UBE2G1: variants seen among roughly 807,000 people sequenced by gnomAD.
The protein encoded by UBE2G1 is ubiquitin conjugating enzyme E2 G1, also known as ubiquitin-conjugating enzyme E2 G1.
In UBE2G1, 5 loss-of-function variants were observed where a neutral mutation model predicts 22.7. The observed-to-expected ratio is 0.22, with a 90% CI of 0.12 to 0.46. The LOEUF (loss-of-function observed/expected upper bound fraction) is 0.46, where lower values mean the gene tolerates loss of function less well. Among genes scored for constraint, UBE2G1 ranks in the 20% least tolerant of loss-of-function variants. The pLI, the probability that UBE2G1 is intolerant of heterozygous loss-of-function variation, is 0.99. For synonymous variants in UBE2G1, 74 were observed against 67.5 expected, an observed-to-expected ratio of 1.10 and a Z score of -0.47; for missense variants, 88 against 203.9, an observed-to-expected ratio of 0.43 and a Z score of 3.46.
intron 2 of UBE2G1, among the ~76,000 whole-genome samples, chr17:4,306,026 T>C (rs967549817): frequency 1.3e-5 from 2 of 152,210 alleles, no homozygotes; most frequent in African/African-American, 4.8e-5. Flanking sequence ...CTTAAGCCAT[T>C]GGTTTAACAA....
intron 1 of UBE2G1, among the ~76,000 whole-genome samples, chr17:4,310,827 C>G (rs902535305): frequency 1.3e-5 from 2 of 152,100 alleles, no homozygotes; most frequent in African/African-American, 2.4e-5. Flanking sequence ...ATATAGTAGT[C>G]GAAACAATGA....
intron 4 of UBE2G1, among the ~76,000 whole-genome samples, chr17:4,288,106 A>G (rs1457103708): frequency 6.6e-6 from 1 of 152,236 alleles, no homozygotes; most frequent in Non-Finnish European, 1.5e-5. Context: ...TAGGAAAAAA[A>G]GTTGCAAAAT....
intron 1 of UBE2G1, among the ~76,000 whole-genome samples, chr17:4,309,745 A>G (rs1156515499): frequency 6.6e-6 from 1 of 152,224 alleles, no homozygotes. Flanking sequence ...GAAAGATTCT[A>G]TAATATATCC....
At chr17:4,362,325 A>AT (rs1436647109) in intron 1 of UBE2G1, among the ~76,000 whole-genome samples, 1 of 152,186 alleles carries the variant, frequency 6.6e-6, no homozygotes, top group East Asian at 1.9e-4. Flanking sequence ...TTAACTCAGT[A>AT]ATCTTCAATC....
chr17:4,356,049 T>TAAA (rs746982860), intron 1 of UBE2G1, among the ~76,000 whole-genome samples: 7 of 99,094 alleles, frequency 7.1e-5, no homozygotes, highest in South Asian at 3.8e-4. Flanking sequence ...TGTTTCACTT[T>TAAA]AAAAAAAAAA....
chr17:4,324,994 G>A (rs62064452), intron 1 of UBE2G1, among the ~76,000 whole-genome samples: 7 of 151,796 alleles, frequency 4.6e-5, no homozygotes, highest in South Asian at 2.1e-4. Context: ...GGAGAACGGC[G>A]TGAACCCAGG....
At chr17:4,286,510 A>G (rs1279892004) in intron 4 of UBE2G1, among the ~76,000 whole-genome samples, 1 of 152,172 alleles carries the variant, frequency 6.6e-6, no homozygotes, top group Non-Finnish European at 1.5e-5. Flanking sequence ...AGTGGGATTC[A>G]AGAAAAAAAA....
At chr17:4,321,106 C>T (rs373041742) in intron 1 of UBE2G1, among the ~76,000 whole-genome samples, 4 of 152,012 alleles carry the variant, frequency 2.6e-5, no homozygotes, top group East Asian at 1.9e-4. Flanking sequence ...GCTATGATCG[C>T]ACCATGGCAC....
At chr17:4,285,018 G>T (rs1348364656) in intron 4 of UBE2G1, among the ~76,000 whole-genome samples, 1 of 151,516 alleles carries the variant, frequency 6.6e-6, no homozygotes, top group Admixed American at 6.6e-5. Context: ...GCTGATTTTT[G>T]TATTTTTTGT....
intron 4 of UBE2G1, among the ~76,000 whole-genome samples, chr17:4,284,287 T>C (rs1368359609): frequency 1.3e-5 from 2 of 151,718 alleles, no homozygotes; most frequent in East Asian, 1.9e-4. Context: ...TATATAAATA[T>C]ACTGAAGAAT....
intron 3 of UBE2G1, among the ~76,000 whole-genome samples, chr17:4,295,246 G>A (rs1205782651): frequency 6.6e-6 from 1 of 152,198 alleles, no homozygotes; most frequent in African/African-American, 2.4e-5. Context: ...ATGCATGCCC[G>A]CATCATGCAG....
intron 1 of UBE2G1, among the ~76,000 whole-genome samples, chr17:4,360,529 A>G (rs187414243): frequency 3.3e-5 from 5 of 152,372 alleles, no homozygotes; most frequent in African/African-American, 1.2e-4. Flanking sequence ...TTTCCACCCT[A>G]GATCCACTCT....
intron 1 of UBE2G1, among the ~76,000 whole-genome samples, chr17:4,332,746 G>A (rs1212294726): frequency 1.3e-5 from 2 of 152,044 alleles, no homozygotes; most frequent in Non-Finnish European, 2.9e-5. Flanking sequence ...TCCCTCCAGC[G>A]TTCAGGTCAG....
chr17:4,294,546 CTCTT>C (rs898438205), intron 3 of UBE2G1, among the ~76,000 whole-genome samples: 10 of 152,250 alleles, frequency 6.6e-5, no homozygotes, highest in Admixed American at 4.6e-4. Flanking sequence ...GGTGATTGCT[CTCTT>C]TCTTTTTACC....
In UBE2G1 at chr17:4,271,146, TATG is replaced by T. The variant is rs1311472801; in HGVS notation, c.*1405_*1407del. The T allele has an allele frequency of 6.6e-6, 1 of 152,334 alleles. No individual in the cohort carries two copies. Among genetic ancestry groups the T allele is most frequent in the African/African-American group, 2.4e-5 (1 of 41,466 alleles). 9.4% of individuals were successfully genotyped at this position (152,334 alleles called of 1,614,324 possible). A position where few individuals can be genotyped will look rare whatever the true frequency, so the allele number is the denominator to read the frequency against. On this transcript the variant is annotated 3_prime_UTR_variant, in exon 6 of 6. Coordinates refer to ENST00000396981, the MANE Select transcript of UBE2G1 (RefSeq NM_003342.5). Reference sequence around the variant, plus strand: ...TTGCTGAAGTTGTTTTAGAAAACTGTATGATATGAAATATATTGAAGCTCAAAC... The same window carrying T: ...TTGCTGAAGTTGTTTTAGAAAACTGTATATGAAATATATTGAAGCTCAAAC...
rs180852039 is a variant in UBE2G1, at chr17:4,303,765, A to G, written c.149+3256T>C. Reference sequence around the variant, plus strand: ...TTGCAACTGTAAAAGAATGTAATTCAGAGTTTTGGTTAACTGATTCTTCAT... The same window carrying G: ...TTGCAACTGTAAAAGAATGTAATTCGGAGTTTTGGTTAACTGATTCTTCAT... On this transcript the variant is annotated intron_variant, in intron 2 of 5. Coordinates refer to ENST00000396981, the MANE Select transcript of UBE2G1 (RefSeq NM_003342.5). Among the ~76,000 whole-genome samples the G allele has an allele frequency of 1.4e-3, 211 of 152,358 alleles. 1 individual carries two copies. Among genetic ancestry groups the G allele is most frequent in the African/African-American group, 4.8e-3 (198 of 41,572 alleles).
chr17:4,303,506 A>G lies in UBE2G1; in HGVS notation c.149+3515T>C, dbSNP rs79596816. ...TAAGACCAAATTTAAGTAATTGTTC[A>G]AAGTCACTCAACTAAGAAGAGTGGT... On this transcript the variant is annotated intron_variant, in intron 2 of 5. Coordinates refer to ENST00000396981, the MANE Select transcript of UBE2G1 (RefSeq NM_003342.5). Among the ~76,000 whole-genome samples the G allele has an allele frequency of 1.9e-3, 286 of 152,316 alleles. 11 individuals are homozygous for G. In the East Asian group the frequency reaches 0.048, roughly 26 times the overall value.
At chr17:4,320,022 G>A (rs1186337470) in intron 1 of UBE2G1, among the ~76,000 whole-genome samples, 1 of 151,878 alleles carries the variant, frequency 6.6e-6, no homozygotes, top group Non-Finnish European at 1.5e-5. Context: ...ACGTGTGTGT[G>A]TGTGTGTATT....
intron 1 of UBE2G1, among the ~76,000 whole-genome samples, chr17:4,338,169 CAA>C (rs768232182): frequency 1.1e-5 from 1 of 87,208 alleles, no homozygotes; most frequent in Admixed American, 1.4e-4. Context: ...GACTCCATCT[CAA>C]AAAAAAAAAA....
Sources: allele counts gnomAD v4.1 joint callset (sites outside exome capture counted in the v4.1 genomes callset), GRCh38; gene constraint gnomAD v4.1.1; transcripts MANE v1.5; gene names NCBI Gene and HGNC (gene_info 2026-07-23, HGNC 2026-07-21).